Variants in DLEC1 observed in about 807,000 individuals in gnomAD.
DLEC1 encodes the protein deleted in lung and esophageal cancer protein 1.
DLEC1 carries 146 observed loss-of-function variants against 198.1 expected under a neutral mutation model. That is an observed-to-expected ratio of 0.74 (90% CI 0.64 to 0.85). DLEC1 has a LOEUF of 0.85. Among genes scored for constraint, DLEC1 ranks in the 40% least tolerant of loss-of-function variants. DLEC1 has a pLI of 0.00. For missense variants in DLEC1, 2,233 were observed against 2,220.0 expected, an observed-to-expected ratio of 1.01 and a Z score of -0.12; for synonymous variants, 897 against 866.8, an observed-to-expected ratio of 1.03 and a Z score of -0.61.
intron 3 of DLEC1, among the ~76,000 whole-genome samples, chr3:38,060,768 C>T (rs1258983133): frequency 1.3e-5 from 2 of 151,718 alleles, no homozygotes; most frequent in African/African-American, 4.8e-5. Context: ...GATCTTGGCT[C>T]ACCACAACCT....
At position 38,095,067 on chromosome 3, in the gene DLEC1, A is replaced by G; in HGVS notation, c.2108A>G (p.His703Arg). The G allele has an allele frequency of 6.2e-7, 1 of 1,614,132 alleles. No homozygotes were observed. The highest frequency in any genetic ancestry group is 8.5e-7 in the Non-Finnish European group (1 of 1,179,996). Residue 703 changes from histidine to arginine, a missense_variant, in exon 13 of 37, where the codon CAT (histidine) becomes CGT (arginine). By Grantham distance (29) the His-to-Arg change is conservative. Transcript: ENST00000308059. ...DHEFILSFSP[H>R]ELRDFHSVLQ... ...GAGTTCATCCTGAGCTTTTCTCCTC[A>G]TGAGGTTCAGATGGTGTCATCTCAG...
At position 38,116,900 on chromosome 3, in the gene DLEC1, G is replaced by T. The variant is rs1700200182; in HGVS notation, c.4179+11G>T. The T allele has an allele frequency of 2.5e-6, 4 of 1,612,512 alleles. No homozygotes were observed. In the South Asian group the frequency reaches 4.4e-5, roughly 18 times the overall value. On this transcript the variant is annotated intron_variant, in intron 29 of 36. Coordinates refer to ENST00000308059, the MANE Select transcript of DLEC1 (RefSeq NM_007335.4). ...AGCCCCAAGCAGGTGGTGAGTTGGG[G>T]TATGGGCTGGGAGCTGTCTGCATTG... is the stretch of plus-strand genomic sequence containing the variant.
rs946040399 is a variant in DLEC1 at position 38,093,593 on chromosome 3, CTACTT to C, written c.1757-10_1757-6del. The C allele has an allele frequency of 6.2e-7, 1 of 1,614,104 alleles. No individual in the cohort carries two copies. The highest frequency in any genetic ancestry group is 1.3e-5 in the African/African-American group (1 of 75,030). ...TGAGCCTTCACTGACTTCACTTACT[CTACTT>C]TGGCAGGAATTGGGCAGCTGATTGC... On this transcript the variant is annotated splice_region_variant and splice_polypyrimidine_tract_variant and intron_variant, in intron 11 of 36. Transcript: ENST00000308059.
chr3:38,061,390 A>G (rs1436866703), intron 3 of DLEC1, among the ~76,000 whole-genome samples: 1 of 152,108 alleles, frequency 6.6e-6, no homozygotes, highest in Non-Finnish European at 1.5e-5. Context: ...CATGTTGGCC[A>G]GGCTGGTTTC....
At chr3:38,074,269 C>T (rs1248449636) in intron 6 of DLEC1, among the ~76,000 whole-genome samples, 2 of 152,222 alleles carry the variant, frequency 1.3e-5, no homozygotes, top group Non-Finnish European at 2.9e-5. Flanking sequence ...TGCCATCTGG[C>T]TGCTTCCTCT....
chr3:38,117,832 C>T lies in DLEC1; in HGVS notation c.4512C>T (p.His1504=), dbSNP rs781662000. The T allele has an allele frequency of 3.0e-5, 49 of 1,614,038 alleles. No individual in the cohort carries two copies. The highest frequency in any genetic ancestry group is 3.9e-5 in the Non-Finnish European group (46 of 1,180,028). ...SGVLSELVTT[H]HLKLTNTTEI... is the part of the protein sequence containing the mutation. The stretch of plus-strand genomic sequence containing the variant: ...TGCTGAGTGAGCTGGTGACCACCCA[C>T]CACCTGAAGCTGACCAACACTACAG... Residue 1504 remains histidine (H), a synonymous_variant, in exon 33 of 37, where the codon CAC becomes CAT. Transcript: ENST00000308059.
intron 10 of DLEC1, among the ~76,000 whole-genome samples, chr3:38,092,107 C>G (rs899368647): frequency 3.3e-5 from 5 of 152,210 alleles, no homozygotes; most frequent in South Asian, 2.1e-4. Flanking sequence ...TATCCGCACT[C>G]TTATGTTCAT....
intron 2 of DLEC1, 26 bp downstream of exon 2, chr3:38,045,719 C>G (rs956120733): frequency 1.9e-6 from 3 of 1,583,328 alleles, no homozygotes; most frequent in Non-Finnish European, 1.7e-6. Flanking sequence ...TCCCACATGC[C>G]TGCCCAATTC....
intron 14 of DLEC1, 65 bp from the exon 15 acceptor site, chr3:38,096,504 C>A: frequency 6.5e-7 from 1 of 1,536,800 alleles, no homozygotes; most frequent in Non-Finnish European, 8.8e-7. Context: ...GGGACAGAGG[C>A]AGGGACACTC....
intron 10 of DLEC1, 74 bp downstream of exon 10, chr3:38,088,462 A>G: frequency 9.1e-6 from 13 of 1,421,066 alleles, no homozygotes; most frequent in Non-Finnish European, 1.2e-5. Flanking sequence ...TTCATGACTC[A>G]AGTGTCCAGT....
intron 25 of DLEC1, among the ~76,000 whole-genome samples, chr3:38,114,020 T>A (rs1331334727): frequency 1.3e-5 from 2 of 148,322 alleles, no homozygotes; most frequent in Admixed American, 1.4e-4. Flanking sequence ...CACTTGTAGA[T>A]CCAACACTTT....
chr3:38,104,232 G>A (rs1365470786), intron 19 of DLEC1, among the ~76,000 whole-genome samples: 11 of 152,106 alleles, frequency 7.2e-5, no homozygotes, highest in African/African-American at 2.7e-4. Flanking sequence ...TGAGGTGGAC[G>A]GATCACCTAA....
At chr3:38,085,749 G>A (rs1698420323) in intron 8 of DLEC1, among the ~76,000 whole-genome samples, 1 of 152,172 alleles carries the variant, frequency 6.6e-6, no homozygotes, top group Non-Finnish European at 1.5e-5. Context: ...GAGGGGACCT[G>A]TGCCACAGTG....
intron 2 of DLEC1, among the ~76,000 whole-genome samples, chr3:38,055,702 GAC>G (rs772988420): frequency 0.31 from 47,608 of 151,374 alleles, 7,642 homozygotes; most frequent in East Asian, 0.55. Context: ...AGTCAGTGAA[GAC>G]GTGAGCAACG....
At position 38,117,582 on chromosome 3, in the gene DLEC1, G is replaced by A. The variant is rs1700247679; in HGVS notation, c.4456G>A (p.Asp1486Asn). 5.6e-6 allele frequency: 9 copies of A among 1,614,144 alleles called. No individual in the cohort carries two copies. Among genetic ancestry groups the A allele is most frequent in the Non-Finnish European group, 7.6e-6 (9 of 1,179,990 alleles). The change falls in exon 32 of 37, where the codon GAC (aspartate) becomes AAC (asparagine). Residue 1486 changes from aspartate (D) to asparagine (N), a missense_variant. Transcript: ENST00000308059. ...GSMEFQCQASDLIPEQPCSGV... is the reference protein window; with the variant it reads ...GSMEFQCQASNLIPEQPCSGV... ...TATGGAATTCCAGTGCCAGGCCAGTGACCTCATTCCCGAGCAGCCCTGCTC... is the reference window on the plus strand; with the variant it reads ...TATGGAATTCCAGTGCCAGGCCAGTAACCTCATTCCCGAGCAGCCCTGCTC...
intron 2 of DLEC1, among the ~76,000 whole-genome samples, chr3:38,058,458 T>A (rs1188551475): frequency 6.6e-6 from 1 of 152,168 alleles, no homozygotes; most frequent in Non-Finnish European, 1.5e-5. Flanking sequence ...TTGTTTACAG[T>A]GTGGAAATGC....
At chr3:38,121,594 C>T (rs754573627) in intron 34 of DLEC1, 34 bp from the exon 35 acceptor site, 3 of 1,602,284 alleles carry the variant, frequency 1.9e-6, no homozygotes, top group African/African-American at 1.3e-5. Context: ...TCAGAGCCCA[C>T]CCAGAATGGA....
At chr3:38,066,478 T>C (rs975855452) in intron 6 of DLEC1, among the ~76,000 whole-genome samples, 1 of 152,250 alleles carries the variant, frequency 6.6e-6, no homozygotes, top group African/African-American at 2.4e-5. Context: ...AGCAAATATG[T>C]ATATATAGTT....
intron 2 of DLEC1, among the ~76,000 whole-genome samples, chr3:38,052,622 G>A (rs866393679): frequency 1.1e-4 from 16 of 152,338 alleles, no homozygotes; most frequent in Middle Eastern, 6.8e-3. Flanking sequence ...GTGTGGAGTT[G>A]GAACTGCGCC....
Sources: gnomAD v4.1 joint callset for allele counts (sites outside exome capture counted in the v4.1 genomes callset) on GRCh38, gnomAD v4.1.1 for gene constraint, MANE v1.5 for transcripts, NCBI Gene and HGNC (gene_info 2026-07-23, HGNC 2026-07-21) for gene names.